Variants in PLXDC1 observed in about 807,000 individuals in gnomAD.
The protein encoded by PLXDC1 is plexin domain containing 1.
In PLXDC1, 39 loss-of-function variants were observed where a neutral mutation model predicts 61.3. The observed-to-expected ratio is 0.64, with a 90% CI of 0.49 to 0.83. PLXDC1 has a LOEUF of 0.83. Among genes scored for constraint, PLXDC1 ranks in the 40% least tolerant of loss-of-function variants. The probability of loss-of-function intolerance (pLI) is 0.00; values close to 1 mark genes in which losing one functional copy is unlikely to be tolerated. For synonymous variants in PLXDC1, 212 were observed against 254.5 expected (o/e 0.83, Z 1.59); for missense variants, 596 against 666.5 (o/e 0.89, Z 1.17).
At chr17:39,104,226 G>C (rs777658657) in intron 7 of PLXDC1, among the ~76,000 whole-genome samples, 2 of 152,176 alleles carry the variant, frequency 1.3e-5, no homozygotes, top group Non-Finnish European at 2.9e-5. Context: ...TAGGGGCAAA[G>C]TATCACTCTT....
chr17:39,111,471 G>T (rs1910798555), intron 2 of PLXDC1, among the ~76,000 whole-genome samples: 1 of 152,186 alleles, frequency 6.6e-6, no homozygotes, highest in Non-Finnish European at 1.5e-5. Context: ...TTTTAGTGGA[G>T]ACGGGGTTTT....
At chr17:39,087,438 C>A (rs1372440750) in intron 8 of PLXDC1, among the ~76,000 whole-genome samples, 169 bp downstream of exon 8, 1 of 152,192 alleles carries the variant, frequency 6.6e-6, no homozygotes, top group Non-Finnish European at 1.5e-5. Context: ...CACCCTTACC[C>A]TATCTCTGGG....
chr17:39,136,767 T>G (rs544418248), intron 2 of PLXDC1, among the ~76,000 whole-genome samples: 1 of 152,040 alleles, frequency 6.6e-6, no homozygotes, highest in African/African-American at 2.4e-5. Context: ...AAAAAAGAGC[T>G]CTTAGAAATT....
chr17:39,135,385 G>A (rs1020886823), intron 2 of PLXDC1, among the ~76,000 whole-genome samples: 6 of 152,138 alleles, frequency 3.9e-5, no homozygotes, highest in Non-Finnish European at 8.8e-5. Context: ...CTTATAGATC[G>A]GAAGTTCCTG....
intron 1 of PLXDC1, among the ~76,000 whole-genome samples, chr17:39,146,948 A>ATTTTTT (rs869300584): frequency 1.3e-5 from 1 of 74,684 alleles, no homozygotes; most frequent in Non-Finnish European, 2.5e-5. Flanking sequence ...ACAGGAAATG[A>ATTTTTT]TTTTTTTTTT....
At chr17:39,082,103 A>G (rs564131468) in intron 9 of PLXDC1, among the ~76,000 whole-genome samples, 10 of 152,330 alleles carry the variant, frequency 6.6e-5, no homozygotes, top group Admixed American at 6.5e-4. Context: ...GGGAGACCTG[A>G]TGGGCACACC....
At chr17:39,096,428 A>C (rs1910204420) in intron 7 of PLXDC1, among the ~76,000 whole-genome samples, 1 of 152,184 alleles carries the variant, frequency 6.6e-6, no homozygotes, top group African/African-American at 2.4e-5. Flanking sequence ...CTTTATCAGA[A>C]AAGGCAAAAT....
chr17:39,128,058 TC>T (rs1911367282), intron 2 of PLXDC1, among the ~76,000 whole-genome samples: 1 of 86,254 alleles, frequency 1.2e-5, no homozygotes, highest in Non-Finnish European at 2.2e-5. Flanking sequence ...TCTCTCTCTC[TC>T]TCTCTCTGTC....
intron 9 of PLXDC1, chr17:39,081,586 C>T (rs1909560815): frequency 6.6e-6 from 1 of 151,772 alleles, no homozygotes; most frequent in African/African-American, 2.4e-5. Context: ...GAGATCGCGC[C>T]ACTGCACTCC....
At chr17:39,149,604 A>G (rs16510) in intron 1 of PLXDC1, among the ~76,000 whole-genome samples, 19,372 of 152,186 alleles carry the variant, frequency 0.13, 1,491 homozygotes, top group African/African-American at 0.21. Context: ...AAGACAGGAT[A>G]GCCTCTACTT....
rs573721718 is a variant in PLXDC1, at chr17:39,107,743, G to A, written c.593-218C>T. ...AGATCCTGCTTCAGCCCCAGATACT[G>A]TACTTGATCATCTCTTTCCCTTTCC... On this transcript the variant is annotated intron_variant, in intron 5 of 13. Transcript: ENST00000315392. The A allele has an allele frequency of 7.4e-5, 44 of 598,274 alleles. No homozygotes were observed. The Admixed American group carries it at 1.2e-3, about 16-fold the overall frequency. The allele number at this position is 598,274 out of a possible 1,614,324, so 37.1% of individuals were successfully genotyped here.
intron 1 of PLXDC1, among the ~76,000 whole-genome samples, chr17:39,140,269 T>A (rs1008340436): frequency 6.6e-6 from 1 of 152,188 alleles, no homozygotes; most frequent in African/African-American, 2.4e-5. Context: ...AGATCTCTTG[T>A]AACTGGTCTA....
At chr17:39,131,354 C>CTTT (rs1166113173) in intron 2 of PLXDC1, among the ~76,000 whole-genome samples, 1 of 130,752 alleles carries the variant, frequency 7.6e-6, no homozygotes, top group Non-Finnish European at 1.6e-5. Flanking sequence ...CTCTCTTTTT[C>CTTT]TTTTCTTTTT....
At chr17:39,079,231 C>T in intron 9 of PLXDC1, 67 bp from the exon 10 acceptor site, 3 of 1,341,284 alleles carry the variant, frequency 2.2e-6, no homozygotes, top group East Asian at 2.3e-5. Context: ...TTTCACTGTT[C>T]AGTAACAGCT....
chr17:39,090,632 T>A (rs569734541), intron 7 of PLXDC1, among the ~76,000 whole-genome samples: 1 of 152,132 alleles, frequency 6.6e-6, no homozygotes, highest in South Asian at 2.1e-4. Flanking sequence ...GCCATGCAAA[T>A]GGTGTTGTCC....
chr17:39,079,915 A>G (rs1473636401), intron 9 of PLXDC1: 1 of 239,588 alleles, frequency 4.2e-6, no homozygotes, highest in Non-Finnish European at 8.4e-6. Flanking sequence ...ACCAGCACCC[A>G]CTGAGGTTTG....
chr17:39,151,636 G>A lies in PLXDC1; in HGVS notation c.-199C>T. On this transcript the variant is annotated 5_prime_UTR_variant, in exon 1 of 14. Coordinates refer to ENST00000315392, the MANE Select transcript of PLXDC1 (RefSeq NM_020405.5). The surrounding 1 kb of genome is among the most constrained non-coding windows in gnomAD (Gnocchi z 5.2). ...GAGCTGGAGGCTGCGGCCTCCGGGA[G>A]CAGGCGGGGAGCTGGGGGGGCCGCT... 9.6e-7 allele frequency: 1 copy of A among 1,042,538 alleles called. No homozygotes were observed. The highest frequency in any genetic ancestry group is 1.2e-6 in the Non-Finnish European group (1 of 861,682). The allele number at this position is 1,042,538 out of a possible 1,614,324, so 64.6% of individuals were successfully genotyped here.
rs1400276874 is a variant in PLXDC1, at chr17:39,087,642, G to T, written c.872C>A (p.Thr291Asn). 6.2e-7 allele frequency: 1 copy of T among 1,614,014 alleles called. No individual in the cohort carries two copies. The highest frequency in any genetic ancestry group is 1.3e-5 in the African/African-American group (1 of 74,940). Reference protein sequence around the residue: ...HRIELDPSKVTSMSAVEFTPL... With the variant: ...HRIELDPSKVNSMSAVEFTPL... ...GGTGAACTCCACGGCCGACATGCTG[G>T]TGACCTTGCTGGGGTCCAGCTCTAT... The change falls in exon 8 of 14, where the codon ACC becomes AAC. Residue 291 changes from threonine to asparagine, a missense_variant. Physicochemically the swap from Thr to Asn is moderately conservative, Grantham distance 65 (BLOSUM62 0). Transcript: ENST00000315392.
intron 2 of PLXDC1, among the ~76,000 whole-genome samples, chr17:39,109,964 G>A (rs553320759): frequency 3.9e-4 from 60 of 152,266 alleles, no homozygotes; most frequent in African/African-American, 1.3e-3. Flanking sequence ...ACAAAACAGC[G>A]AAACCTCGTC....
Sources: gnomAD v4.1 joint callset for allele counts (sites outside exome capture counted in the v4.1 genomes callset) on GRCh38, gnomAD v4.1.1 for gene constraint, Gnocchi (gnomAD v3.1) non-coding constraint, MANE v1.5 for transcripts, NCBI Gene and HGNC (gene_info 2026-07-23, HGNC 2026-07-21) for gene names.